The following SRL variants were observed in gnomAD, a reference collection of about 807,000 sequenced individuals.
The protein encoded by SRL is sarcalumenin.
A neutral mutation model predicts 39.5 loss-of-function variants in SRL; 23 were observed. The observed-to-expected ratio is 0.58, with a 90% confidence interval of 0.42 to 0.82. The LOEUF (loss-of-function observed/expected upper bound fraction) is 0.82, where lower values mean the gene tolerates loss of function less well. Ranked by LOEUF, SRL falls within the 40% of genes least tolerant of loss-of-function variation. The pLI is 0.00. For missense variants in SRL, 592 were observed against 607.8 expected (o/e 0.97, Z 0.27); for synonymous variants, 272 against 237.4 (o/e 1.15, Z -1.34).
chr16:4,212,232 G>A (rs1158492892), intron 1 of SRL, among the ~76,000 whole-genome samples: 1 of 152,172 alleles, frequency 6.6e-6, no homozygotes, highest in African/African-American at 2.4e-5. Context: ...AAAGGACTGA[G>A]GATAATGGCT....
chr16:4,216,566 C>T (rs1053193414), intron 1 of SRL, among the ~76,000 whole-genome samples: 1 of 152,204 alleles, frequency 6.6e-6, no homozygotes, highest in Non-Finnish European at 1.5e-5. Context: ...GCCACGATGC[C>T]CAGCCACTAT....
At chr16:4,204,167 A>C (rs963660785) in intron 2 of SRL, among the ~76,000 whole-genome samples, 1 of 152,222 alleles carries the variant, frequency 6.6e-6, no homozygotes, top group African/African-American at 2.4e-5. Context: ...TCAAAGATAA[A>C]ATGAAACAGC....
intron 1 of SRL, among the ~76,000 whole-genome samples, chr16:4,238,500 G>A (rs567471537): frequency 6.6e-6 from 1 of 152,288 alleles, no homozygotes; most frequent in African/African-American, 2.4e-5. Context: ...GGAGTGGAAA[G>A]GACTGAATTC....
At chr16:4,195,481 A>G in intron 5 of SRL, 72 bp downstream of exon 5, 4 of 1,440,868 alleles carry the variant, frequency 2.8e-6, no homozygotes, top group Non-Finnish European at 3.9e-6. Context: ...CACAGGCATG[A>G]GCCATCATGC....
Position 4,192,243 on chromosome 16 carries a change from A to T in SRL, c.1332T>A (p.Gly444=), listed in dbSNP as rs375957548. The T allele has an allele frequency of 1.2e-6, 2 of 1,613,382 alleles. No individual in the cohort carries two copies. Among genetic ancestry groups the T allele is most frequent in the South Asian group, 1.1e-5 (1 of 90,952 alleles). ...AITQELPGLL[G]SLGLGKNPGA... ...CTGGATTCTTCCCGAGCCCGAGGCT[A>T]CCCAGGAGGCCCGGAAGCTCCTGAG... Residue 444 remains glycine, a synonymous_variant, in exon 6 of 6, where the codon GGT becomes GGA. Coordinates refer to ENST00000399609, the MANE Select transcript of SRL (RefSeq NM_001098814.2). This position sits in a 1 kb window ranked among gnomAD's most constrained non-coding sequence, Gnocchi z 4.0.
At chr16:4,231,455 G>C (rs997178938) in intron 1 of SRL, among the ~76,000 whole-genome samples, 39 of 152,154 alleles carry the variant, frequency 2.6e-4, no homozygotes, top group African/African-American at 8.9e-4. Flanking sequence ...TGAGCCAATC[G>C]TTTTCACCAT....
intron 1 of SRL, 45 bp downstream of exon 1, chr16:4,241,962 C>T (rs889420302): frequency 2.5e-6 from 4 of 1,608,090 alleles, no homozygotes; most frequent in East Asian, 2.2e-5. Flanking sequence ...TTGGAGGAAG[C>T]GTGGGGGACC....
At chr16:4,202,646 C>G (rs7205695) in intron 3 of SRL, among the ~76,000 whole-genome samples, 1 of 151,156 alleles carries the variant, frequency 6.6e-6, no homozygotes, top group Non-Finnish European at 1.5e-5. Flanking sequence ...CAACGTATAC[C>G]ATTCTGCACT....
At chr16:4,209,072 A>G (rs1439605215) in intron 1 of SRL, among the ~76,000 whole-genome samples, 2 of 152,186 alleles carry the variant, frequency 1.3e-5, no homozygotes, top group Non-Finnish European at 2.9e-5. Flanking sequence ...TGGGAGTTTG[A>G]GACCAGCCTG....
At chr16:4,240,716 AGTGTGTAGCAGCCCAGCAGCTGGGGCT>A (rs2052764074) in intron 1 of SRL, among the ~76,000 whole-genome samples, 2 of 152,172 alleles carry the variant, frequency 1.3e-5, no homozygotes, top group African/African-American at 4.8e-5. Flanking sequence ...CCTGGGGCCC[AGTGTGTAGCAGCCCAGCAGCTGGGGCT>A]GGGGGGCAGC....
At chr16:4,202,006 G>C (rs1021237389) in intron 3 of SRL, among the ~76,000 whole-genome samples, 1 of 152,040 alleles carries the variant, frequency 6.6e-6, no homozygotes, top group African/African-American at 2.4e-5. Context: ...TCCCAGGCTG[G>C]TCTCAAACTC....
At chr16:4,218,372 C>T (rs2052485074) in intron 1 of SRL, among the ~76,000 whole-genome samples, 2 of 152,148 alleles carry the variant, frequency 1.3e-5, no homozygotes, top group African/African-American at 2.4e-5. Context: ...AACAGCAACA[C>T]GGTCGGAGGG....
At chr16:4,203,598 T>C (rs2052268210) in intron 2 of SRL, among the ~76,000 whole-genome samples, 1 of 152,180 alleles carries the variant, frequency 6.6e-6, no homozygotes, top group Non-Finnish European at 1.5e-5. Flanking sequence ...CATAGCTCAC[T>C]GCAGCCTCTA....
chr16:4,240,678 A>T (rs139434298), intron 1 of SRL, among the ~76,000 whole-genome samples: 1 of 152,286 alleles, frequency 6.6e-6, no homozygotes, highest in Admixed American at 6.5e-5. Context: ...GAGGAAAGAT[A>T]AAGGATGTCC....
chr16:4,194,967 T>C lies in SRL; in HGVS notation c.610+586A>G, dbSNP rs1368698035. On this transcript the variant is annotated intron_variant, in intron 5 of 5. Coordinates refer to ENST00000399609, the MANE Select transcript of SRL (RefSeq NM_001098814.2). ...TGGAGTGCAGTAGCATGACCACAGCTCACTGCAGCCTTGACCTCCTGGGCT... is the reference window on the plus strand; with the variant it reads ...TGGAGTGCAGTAGCATGACCACAGCCCACTGCAGCCTTGACCTCCTGGGCT... Among the ~76,000 whole-genome samples the C allele has an allele frequency of 3.9e-5, 6 of 151,936 alleles. No homozygotes were observed. In the South Asian group the frequency reaches 1.0e-3, roughly 26 times the overall value.
chr16:4,215,264 A>C (rs1283129668), intron 1 of SRL, among the ~76,000 whole-genome samples: 1 of 152,168 alleles, frequency 6.6e-6, no homozygotes, highest in Non-Finnish European at 1.5e-5. Context: ...TGAGGCAGCC[A>C]TTCTTGGAAG....
chr16:4,213,314 T>C (rs548953545), intron 1 of SRL, among the ~76,000 whole-genome samples: 41 of 152,078 alleles, frequency 2.7e-4, no homozygotes, highest in Non-Finnish European at 3.2e-4. Context: ...CTTCAAAATA[T>C]TAGTATCTGC....
intron 1 of SRL, among the ~76,000 whole-genome samples, chr16:4,222,252 G>T (rs2052539223): frequency 6.6e-6 from 1 of 152,180 alleles, no homozygotes; most frequent in African/African-American, 2.4e-5. Context: ...TGCAGCACCT[G>T]TCACCTATGT....
At position 4,190,040 on chromosome 16, in the gene SRL, T is replaced by C. The variant is rs533151991; in HGVS notation, c.*2113A>G. 53 of 382,972 alleles carry C rather than the reference T, an allele frequency of 1.4e-4. 1 individual carries two copies. Among genetic ancestry groups the C allele is most frequent in the African/African-American group, 1.1e-3 (52 of 48,406 alleles). The allele number at this position is 382,972 out of a possible 1,614,324, so 23.7% of individuals were successfully genotyped here. A position where few individuals can be genotyped will look rare whatever the true frequency, so the allele number is the denominator to read the frequency against. ...TCATCAGCCCCTATCACAGGCTCCG[T>C]GGATGCCCCTTGCAGAACTCACTGT... On this transcript the variant is annotated 3_prime_UTR_variant, in exon 6 of 6. Coordinates refer to ENST00000399609, the MANE Select transcript of SRL (RefSeq NM_001098814.2).
Sources: gnomAD v4.1 joint callset for allele counts (sites outside exome capture counted in the v4.1 genomes callset) on GRCh38, gnomAD v4.1.1 for gene constraint, Gnocchi (gnomAD v3.1) non-coding constraint, MANE v1.5 for transcripts, NCBI Gene and HGNC (gene_info 2026-07-23, HGNC 2026-07-21) for gene names.